ADAM2: variants seen among roughly 807,000 people sequenced by gnomAD.
The protein encoded by ADAM2 is disintegrin and metalloproteinase domain-containing protein 2.
ADAM2 carries 101 observed loss-of-function variants against 99.3 expected under a neutral mutation model. That is an observed-to-expected ratio of 1.02 (90% CI 0.87 to 1.20). The LOEUF is 1.20. Among genes scored for constraint, ADAM2 ranks in the 50% most tolerant of loss-of-function variants. The pLI is 0.00. For synonymous variants in ADAM2, 323 were observed against 287.6 expected (o/e 1.12, Z -1.25); for missense variants, 948 against 878.7 (o/e 1.08, Z -1.00).
rs1194524479 is a variant in ADAM2, at chr8:39,749,336, C to T, written c.1990G>A (p.Val664Ile). Reference sequence around the variant, plus strand: ...CCAGGGAGTCTGGCTGGTATAGCTACAGGTGGAAAATTGCCACTGTCAATA... The same window carrying T: ...CCAGGGAGTCTGGCTGGTATAGCTATAGGTGGAAAATTGCCACTGTCAATA... Reference protein sequence around the residue: ...GSIDSGNFPPVAIPARLPERR... With the variant: ...GSIDSGNFPPIAIPARLPERR... The change falls in exon 18 of 21, where the codon GTA becomes ATA. Residue 664 changes from valine to isoleucine, a missense_variant. By Grantham distance (29) the Val-to-Ile change is conservative. Coordinates refer to ENST00000265708, the MANE Select transcript of ADAM2 (RefSeq NM_001464.5). 3 of 1,612,784 alleles carry T rather than the reference C, an allele frequency of 1.9e-6. No homozygotes were observed. The highest frequency in any genetic ancestry group is 2.2e-5 in the East Asian group (1 of 44,854).
At chr8:39,792,990 G>A (rs1563361595) in intron 7 of ADAM2, among the ~76,000 whole-genome samples, 2 of 152,026 alleles carry the variant, frequency 1.3e-5, no homozygotes, top group Non-Finnish European at 2.9e-5. Flanking sequence ...GTTATTTTGA[G>A]ACCTCTTTAT....
intron 7 of ADAM2, among the ~76,000 whole-genome samples, chr8:39,800,755 T>C (rs763033668): frequency 1.6e-4 from 25 of 152,156 alleles, no homozygotes; most frequent in Non-Finnish European, 3.4e-4. Flanking sequence ...CTTGTCTGGA[T>C]GTCTTGTTTC....
chr8:39,755,911 G>T lies in ADAM2; in HGVS notation c.1614C>A (p.Asp538Glu), dbSNP rs1336387836. ...SDSGYTQCEA[D>E]NLQCGKLICK... is the part of the protein sequence containing the mutation. ...ATATTAATTTTCCGCACTGCAGATT[G>T]CTATAATTTATCCACAAATAAAAAT... is the stretch of plus-strand genomic sequence containing the variant. The change falls in exon 16 of 21, where the codon GAC becomes GAA. Residue 538 changes from aspartate (D) to glutamate (E), a missense_variant and splice_region_variant. Coordinates refer to ENST00000265708, the MANE Select transcript of ADAM2 (RefSeq NM_001464.5). The T allele has an allele frequency of 7.0e-7, 1 of 1,427,862 alleles. No individual in the cohort carries two copies. Among genetic ancestry groups the T allele is most frequent in the African/African-American group, 1.4e-5 (1 of 69,584 alleles). The allele number at this position is 1,427,862 out of a possible 1,614,324, so 88.4% of individuals were successfully genotyped here.
At chr8:39,824,019 C>G (rs561102738) in intron 4 of ADAM2, among the ~76,000 whole-genome samples, 3 of 152,164 alleles carry the variant, frequency 2.0e-5, no homozygotes, top group African/African-American at 7.2e-5. Flanking sequence ...AGTAGTGACT[C>G]ACTGCTGTAA....
intron 3 of ADAM2, among the ~76,000 whole-genome samples, chr8:39,827,326 G>A (rs1805449696): frequency 6.6e-6 from 1 of 152,090 alleles, no homozygotes; most frequent in Admixed American, 6.5e-5. Flanking sequence ...ATAATAAGGA[G>A]GTTTCTCAAA....
intron 11 of ADAM2, among the ~76,000 whole-genome samples, chr8:39,776,220 T>C (rs1440507288): frequency 1.3e-5 from 2 of 152,036 alleles, no homozygotes; most frequent in East Asian, 1.9e-4. Flanking sequence ...TAAAGGTTTG[T>C]TTTCTAAAGC....
intron 16 of ADAM2, among the ~76,000 whole-genome samples, chr8:39,751,344 C>A (rs1382595384): frequency 6.6e-6 from 1 of 152,064 alleles, no homozygotes; most frequent in Non-Finnish European, 1.5e-5. Context: ...AGCTATTGTC[C>A]AGAAAAAAGT....
At chr8:39,796,272 A>T (rs1438631398) in intron 7 of ADAM2, among the ~76,000 whole-genome samples, 1 of 151,942 alleles carries the variant, frequency 6.6e-6, no homozygotes, top group African/African-American at 2.4e-5. Flanking sequence ...GCTCCCACTT[A>T]TGAGGGAGAA....
intron 7 of ADAM2, among the ~76,000 whole-genome samples, chr8:39,796,354 CT>C (rs932649857): frequency 1.3e-5 from 2 of 152,154 alleles, no homozygotes; most frequent in African/African-American, 4.8e-5. Context: ...ATCCATGTCC[CT>C]GCAAAGGACA....
chr8:39,754,121 C>T (rs751809572), intron 16 of ADAM2, among the ~76,000 whole-genome samples: 15 of 152,212 alleles, frequency 9.9e-5, no homozygotes, highest in African/African-American at 2.7e-4. Context: ...ATCCCATCCT[C>T]GTCCTAGTGT....
chr8:39,810,760 G>C (rs1290677858), intron 6 of ADAM2, among the ~76,000 whole-genome samples: 1 of 152,152 alleles, frequency 6.6e-6, no homozygotes, highest in Non-Finnish European at 1.5e-5. Flanking sequence ...CAACATACCA[G>C]AATCTCTGGG....
intron 7 of ADAM2, among the ~76,000 whole-genome samples, chr8:39,796,504 A>G (rs949267638): frequency 6.6e-6 from 1 of 152,116 alleles, no homozygotes; most frequent in African/African-American, 2.4e-5. Context: ...ATAAACATAC[A>G]TGAGCATGTG....
intron 6 of ADAM2, among the ~76,000 whole-genome samples, chr8:39,816,062 G>A (rs142857689): frequency 1.3e-5 from 2 of 152,190 alleles, no homozygotes; most frequent in African/African-American, 4.8e-5. Flanking sequence ...TTGGGAGGCT[G>A]AGGTGGGTGA....
chr8:39,825,012 G>T (rs111899417), intron 3 of ADAM2, 115 bp from the exon 4 acceptor site: 11 of 613,672 alleles, frequency 1.8e-5, no homozygotes, highest in Middle Eastern at 4.5e-4. Context: ...GAAACAGAGG[G>T]ATATTTTCTA....
At position 39,761,247 on chromosome 8, in the gene ADAM2, G is replaced by A. The variant is rs769842303; in HGVS notation, c.1542C>T (p.His514=). Residue 514 remains histidine (H), a synonymous_variant, in exon 15 of 21, where the codon CAC becomes CAT. Transcript: ENST00000265708. ...CAGATACATCAGTCTTTGAATTAAG[G>A]TGAGAATAACATTCTGAAGGGCCAA... ...VEFGPSECYS[H]LNSKTDVSGN... is the part of the protein sequence containing the mutation. 6.2e-7 allele frequency: 1 copy of A among 1,604,486 alleles called. No individual in the cohort carries two copies. Among genetic ancestry groups the A allele is most frequent in the Admixed American group, 1.7e-5 (1 of 59,472 alleles).
At chr8:39,771,133 C>T (rs888488082) in intron 11 of ADAM2, among the ~76,000 whole-genome samples, 1 of 152,214 alleles carries the variant, frequency 6.6e-6, no homozygotes, top group African/African-American at 2.4e-5. Flanking sequence ...TCACTCTGCT[C>T]AAATAGGTGG....
At chr8:39,822,762 G>C (rs1028507840) in intron 4 of ADAM2, among the ~76,000 whole-genome samples, 1 of 149,054 alleles carries the variant, frequency 6.7e-6, no homozygotes, top group Non-Finnish European at 1.5e-5. Context: ...TTTTTGTTTT[G>C]TTTTGTTTTT....
intron 12 of ADAM2, among the ~76,000 whole-genome samples, chr8:39,769,156 A>G (rs908958107): frequency 6.6e-6 from 1 of 152,204 alleles, no homozygotes; most frequent in East Asian, 1.9e-4. Context: ...AAGCTAGAAT[A>G]AATAAAGGAA....
At chr8:39,783,389 T>C (rs560150719) in intron 10 of ADAM2, among the ~76,000 whole-genome samples, 4 of 152,266 alleles carry the variant, frequency 2.6e-5, no homozygotes, top group Admixed American at 2.6e-4. Context: ...GACCTCTTTT[T>C]CCTTTATTCT....
Sources: allele counts gnomAD v4.1 joint callset (sites outside exome capture counted in the v4.1 genomes callset), GRCh38; gene constraint gnomAD v4.1.1; transcripts MANE v1.5; gene names NCBI Gene and HGNC (gene_info 2026-07-23, HGNC 2026-07-21).